Variants in DIAPH3 observed in about 807,000 individuals in gnomAD.
DIAPH3 encodes diaphanous related formin 3.
In DIAPH3, 117 loss-of-function variants were observed where a neutral mutation model predicts 144.3. The ratio of observed to expected loss-of-function variants is 0.81; its 90% confidence interval spans 0.70 to 0.95. The LOEUF is 0.95. Among genes scored for constraint, DIAPH3 ranks in the 40% least tolerant of loss-of-function variants. The probability of loss-of-function intolerance (pLI) is 0.00; values close to 1 mark genes in which losing one functional copy is unlikely to be tolerated. For missense variants in DIAPH3, 1,421 were observed against 1,412.7 expected (o/e 1.01, Z -0.09); for synonymous variants, 519 against 488.9 (o/e 1.06, Z -0.81).
At chr13:59,925,130 T>C (rs2047692790) in intron 17 of DIAPH3, among the ~76,000 whole-genome samples, 1 of 152,112 alleles carries the variant, frequency 6.6e-6, no homozygotes, top group Non-Finnish European at 1.5e-5. Flanking sequence ...TTATGTATAC[T>C]ATGGAAACCA....
chr13:59,736,982 A>C (rs2036185685), intron 27 of DIAPH3, among the ~76,000 whole-genome samples: 1 of 152,168 alleles, frequency 6.6e-6, no homozygotes, highest in South Asian at 2.1e-4. Context: ...CCTTCCTTAA[A>C]CTATATATAA....
chr13:59,697,400 C>T (rs1382684940), intron 27 of DIAPH3, among the ~76,000 whole-genome samples: 9 of 123,820 alleles, frequency 7.3e-5, no homozygotes, highest in Non-Finnish European at 1.4e-4. Flanking sequence ...GCGGAGCTTG[C>T]AGTGAGCCGA....
chr13:60,102,490 A>T (rs917083921), intron 3 of DIAPH3, among the ~76,000 whole-genome samples: 1 of 152,160 alleles, frequency 6.6e-6, no homozygotes, highest in South Asian at 2.1e-4. Flanking sequence ...TGCTCATCCT[A>T]TTTTAGGACA....
At chr13:60,127,213 T>C (rs1357122101) in intron 2 of DIAPH3, among the ~76,000 whole-genome samples, 3 of 152,010 alleles carry the variant, frequency 2.0e-5, no homozygotes, top group Non-Finnish European at 4.4e-5. Context: ...CAAACAACTT[T>C]ATACCCATAA....
intron 9 of DIAPH3, among the ~76,000 whole-genome samples, chr13:59,996,675 T>A (rs2052212331): frequency 6.6e-6 from 1 of 151,874 alleles, no homozygotes; most frequent in Non-Finnish European, 1.5e-5. Context: ...GGTAAAGACA[T>A]AACAGGGGCC....
intron 4 of DIAPH3, among the ~76,000 whole-genome samples, chr13:60,069,831 CTA>C (rs2057130541): frequency 6.6e-6 from 1 of 152,036 alleles, no homozygotes. Context: ...TTCCATTGGT[CTA>C]TATGTCTGTT....
At chr13:60,013,588 A>C (rs55961797) in intron 7 of DIAPH3, among the ~76,000 whole-genome samples, 3,575 of 152,310 alleles carry the variant, frequency 0.023, 69 homozygotes, top group Non-Finnish European at 0.034. Context: ...CCATTTAAAA[A>C]ATACTCTTAG....
chr13:59,795,408 A>G (rs1254184085), intron 25 of DIAPH3, among the ~76,000 whole-genome samples: 1 of 151,862 alleles, frequency 6.6e-6, no homozygotes, highest in Non-Finnish European at 1.5e-5. Context: ...CTTGAATTTA[A>G]GGAGATGCTT....
intron 27 of DIAPH3, among the ~76,000 whole-genome samples, chr13:59,668,350 CA>C (rs1441565772): frequency 1.3e-5 from 2 of 152,186 alleles, no homozygotes; most frequent in Non-Finnish European, 2.9e-5. Context: ...GCTCCTTCCC[CA>C]AAATGTTCCT....
intron 7 of DIAPH3, chr13:60,013,232 A>T (rs539351325): frequency 2.0e-6 from 2 of 984,530 alleles, no homozygotes; most frequent in South Asian, 9.4e-5. Context: ...CATGAGGCCT[A>T]TTATTAGCTA....
At chr13:59,950,828 C>T (rs2049055379) in intron 17 of DIAPH3, among the ~76,000 whole-genome samples, 1 of 151,260 alleles carries the variant, frequency 6.6e-6, no homozygotes, top group Non-Finnish European at 1.5e-5. Context: ...GTGGAAATAA[C>T]TATATATATA....
intron 17 of DIAPH3, among the ~76,000 whole-genome samples, chr13:59,955,082 A>ATATATATATATACATG (rs1555341657): frequency 1.6e-4 from 2 of 12,634 alleles, no homozygotes; most frequent in African/African-American, 1.1e-3. Context: ...ATATACATGT[A>ATATATATATATACATG]TATATATATA....
At chr13:60,154,293 TA>T (rs1207971330) in intron 1 of DIAPH3, among the ~76,000 whole-genome samples, 2 of 152,092 alleles carry the variant, frequency 1.3e-5, no homozygotes, top group East Asian at 3.8e-4. Context: ...GCCCAAAACA[TA>T]ACTTTTAATC....
intron 4 of DIAPH3, among the ~76,000 whole-genome samples, chr13:60,082,625 T>C (rs1217189035): frequency 1.3e-5 from 2 of 152,064 alleles, no homozygotes; most frequent in East Asian, 3.9e-4. Context: ...CCAAGCATTT[T>C]ATATCCAACA....
chr13:60,140,358 C>A (rs1326982112), intron 1 of DIAPH3, among the ~76,000 whole-genome samples: 1 of 152,100 alleles, frequency 6.6e-6, no homozygotes, highest in Non-Finnish European at 1.5e-5. Flanking sequence ...GAAATACAAT[C>A]AAAAGTTTAT....
intron 25 of DIAPH3, among the ~76,000 whole-genome samples, chr13:59,795,653 C>T (rs1003454542): frequency 6.6e-6 from 1 of 151,886 alleles, no homozygotes; most frequent in Non-Finnish European, 1.5e-5. Flanking sequence ...CAGGGTTTCA[C>T]TGTGCGTGCT....
intron 27 of DIAPH3, among the ~76,000 whole-genome samples, chr13:59,760,009 T>C (rs184903186): frequency 6.6e-6 from 1 of 152,238 alleles, no homozygotes; most frequent in East Asian, 1.9e-4. Flanking sequence ...TGAGACTTAT[T>C]AGAGAGGCTG....
chr13:60,015,831 A>G, intron 7 of DIAPH3, 82 bp downstream of exon 7: 1 of 1,229,326 alleles, frequency 8.1e-7, no homozygotes, highest in East Asian at 2.4e-5. Context: ...ACATCAGAAC[A>G]ATTTACCATC....
chr13:60,005,606 G>A (rs999497229), intron 9 of DIAPH3, among the ~76,000 whole-genome samples: 54 of 151,996 alleles, frequency 3.6e-4, no homozygotes, highest in African/African-American at 1.3e-3. Flanking sequence ...TCAGCTTCCC[G>A]AGTAGCTGGG....
Sources: gnomAD v4.1 joint callset for allele counts (sites outside exome capture counted in the v4.1 genomes callset) on GRCh38, gnomAD v4.1.1 for gene constraint, MANE v1.5 for transcripts, NCBI Gene and HGNC (gene_info 2026-07-23, HGNC 2026-07-21) for gene names.